The following TBC1D22A variants were observed in gnomAD, a reference collection of about 807,000 sequenced individuals.
TBC1D22A encodes putative GTPase activator.
In TBC1D22A, 38 loss-of-function variants were observed where a neutral mutation model predicts 60.2. The ratio of observed to expected loss-of-function variants is 0.63; its 90% confidence interval spans 0.49 to 0.83. The LOEUF is 0.83. Ranked by LOEUF, TBC1D22A falls within the 40% of genes least tolerant of loss-of-function variation. The probability of loss-of-function intolerance (pLI) is 0.00; values close to 1 mark genes in which losing one functional copy is unlikely to be tolerated. For missense variants in TBC1D22A, 628 were observed against 701.0 expected (o/e 0.90, Z 1.18); for synonymous variants, 302 against 281.7 (o/e 1.07, Z -0.72).
At chr22:46,840,261 CCAAA>C (rs1172998649) in intron 4 of TBC1D22A, among the ~76,000 whole-genome samples, 1 of 152,026 alleles carries the variant, frequency 6.6e-6, no homozygotes, top group Non-Finnish European at 1.5e-5. Context: ...AAAATGAAAA[CCAAA>C]CAAACTAAAT....
chr22:46,942,593 GA>G (rs1490492908), intron 8 of TBC1D22A, among the ~76,000 whole-genome samples: 2 of 152,182 alleles, frequency 1.3e-5, no homozygotes, highest in African/African-American at 4.8e-5. Context: ...AATCCCTTCT[GA>G]GTGTAATTTA....
At chr22:46,820,619 T>C (rs2085786149) in intron 4 of TBC1D22A, among the ~76,000 whole-genome samples, 1 of 152,266 alleles carries the variant, frequency 6.6e-6, no homozygotes, top group Non-Finnish European at 1.5e-5. Flanking sequence ...TCAGTTCTTT[T>C]GCATTTGCTG....
chr22:47,118,790 TAC>T (rs146644664), intron 12 of TBC1D22A, among the ~76,000 whole-genome samples: 222 of 125,476 alleles, frequency 1.8e-3, no homozygotes, highest in Non-Finnish European at 3.2e-3. Flanking sequence ...AAGAGGAATT[TAC>T]ACACACACAC....
At chr22:46,915,747 C>A in intron 8 of TBC1D22A, 1 of 456,668 alleles carries the variant, frequency 2.2e-6, no homozygotes, top group Non-Finnish European at 4.4e-6. Context: ...TGTGTGTTCG[C>A]CATGTGTCCA....
intron 4 of TBC1D22A, among the ~76,000 whole-genome samples, chr22:46,847,791 G>A (rs111767480): frequency 2.3e-4 from 35 of 152,332 alleles, no homozygotes; most frequent in African/African-American, 7.9e-4. Context: ...CTCATTCCAG[G>A]GAGGGAAAAT....
intron 10 of TBC1D22A, among the ~76,000 whole-genome samples, chr22:47,017,198 A>C (rs1168289545): frequency 6.6e-6 from 1 of 152,162 alleles, no homozygotes; most frequent in East Asian, 1.9e-4. Flanking sequence ...GATTTTTTCC[A>C]TGGGAAGAAG....
At position 47,045,397 on chromosome 22, in the gene TBC1D22A, C is replaced by T. The variant is rs566301667; in HGVS notation, c.1329+8199C>T. Among the ~76,000 whole-genome samples the T allele has an allele frequency of 2.4e-4, 36 of 152,270 alleles. 1 individual carries two copies. In the South Asian group the frequency reaches 3.3e-3, roughly 14 times the overall value. ...ACTCTGCAGACGTCCAGCTCCCTCC[C>T]GGAAGCGGTCATGCAGAGGTGTCAG... On this transcript the variant is annotated intron_variant, in intron 11 of 12. Coordinates refer to ENST00000337137, the MANE Select transcript of TBC1D22A (RefSeq NM_014346.5).
chr22:46,882,494 C>A (rs1345048560), intron 5 of TBC1D22A, among the ~76,000 whole-genome samples: 1 of 152,130 alleles, frequency 6.6e-6, no homozygotes, highest in Non-Finnish European at 1.5e-5. Flanking sequence ...GGAAGCAGGT[C>A]ATTGAAAGTT....
chr22:46,882,892 C>T (rs775984385), intron 5 of TBC1D22A, among the ~76,000 whole-genome samples: 6 of 152,080 alleles, frequency 3.9e-5, no homozygotes, highest in East Asian at 1.9e-4. Flanking sequence ...ATTCTAGTAG[C>T]CTTATTTTTA....
intron 11 of TBC1D22A, among the ~76,000 whole-genome samples, chr22:47,089,233 T>C (rs1829364505): frequency 6.6e-6 from 1 of 152,188 alleles, no homozygotes; most frequent in Non-Finnish European, 1.5e-5. Context: ...GTTAATTGTT[T>C]TGATGTAATA....
At chr22:47,128,011 C>A (rs1390901233) in intron 12 of TBC1D22A, among the ~76,000 whole-genome samples, 1 of 69,138 alleles carries the variant, frequency 1.4e-5, no homozygotes, top group Admixed American at 1.4e-4. Flanking sequence ...CCCACCCATC[C>A]CCCCATCCTC....
intron 8 of TBC1D22A, among the ~76,000 whole-genome samples, chr22:46,926,904 T>C (rs2057216628): frequency 2.0e-5 from 3 of 152,212 alleles, no homozygotes. Flanking sequence ...TTTTCATCAA[T>C]AATTTAAATA....
At chr22:47,146,782 G>C (rs1205792145) in intron 12 of TBC1D22A, among the ~76,000 whole-genome samples, 1 of 152,240 alleles carries the variant, frequency 6.6e-6, no homozygotes, top group Non-Finnish European at 1.5e-5. Context: ...TGGGACGCCA[G>C]GGCTGGGGGA....
chr22:46,993,425 A>G (rs1274775712), intron 9 of TBC1D22A, among the ~76,000 whole-genome samples: 1 of 152,218 alleles, frequency 6.6e-6, no homozygotes. Flanking sequence ...CCAGATCTCA[A>G]TTGGAAAGGA....
chr22:47,085,848 G>A (rs1183388838), intron 11 of TBC1D22A, among the ~76,000 whole-genome samples: 1 of 152,196 alleles, frequency 6.6e-6, no homozygotes, highest in Non-Finnish European at 1.5e-5. Context: ...AGAGATGGGA[G>A]AATAGCTAGA....
In TBC1D22A at chr22:46,910,147, A is replaced by G. The variant is rs533861752; in HGVS notation, c.901-1927A>G. ...CGTGTATGAATATATGTGCGCGAAC[A>G]TATTCCTCATTCCACCCGCGTCTCT... On this transcript the variant is annotated intron_variant, in intron 7 of 12. Coordinates refer to ENST00000337137, the MANE Select transcript of TBC1D22A (RefSeq NM_014346.5). Among the ~76,000 whole-genome samples, 246 of 152,320 alleles carry G rather than the reference A, an allele frequency of 1.6e-3. 2 individuals carry two copies. The highest frequency in any genetic ancestry group is 2.9e-3 in the Non-Finnish European group (197 of 68,024).
Position 46,980,112 on chromosome 22 carries a change from T to C in TBC1D22A, c.1125+5713T>C, listed in dbSNP as rs185546419. On this transcript the variant is annotated intron_variant, in intron 9 of 12. Transcript: ENST00000337137. ...GCGATTTGAAAGGAACCAGACAATG[T>C]GTAACTTTAAAATATTAAGGAGAAT... is the stretch of plus-strand genomic sequence containing the variant. Among the ~76,000 whole-genome samples the C allele has an allele frequency of 4.9e-4, 75 of 152,274 alleles. No homozygotes were observed. The East Asian group carries it at 0.014, about 29-fold the overall frequency.
At chr22:47,109,974 G>A (rs974218869) in intron 11 of TBC1D22A, among the ~76,000 whole-genome samples, 17 of 152,122 alleles carry the variant, frequency 1.1e-4, no homozygotes, top group South Asian at 4.2e-4. Flanking sequence ...AGTGACAGTC[G>A]GAGGGATGCT....
chr22:46,874,869 T>C (rs539945733), intron 4 of TBC1D22A, among the ~76,000 whole-genome samples: 7 of 152,350 alleles, frequency 4.6e-5, no homozygotes, highest in South Asian at 2.1e-4. Context: ...CCACTGCACC[T>C]GGCCTTTTGA....
Sources: allele counts gnomAD v4.1 joint callset (sites outside exome capture counted in the v4.1 genomes callset), GRCh38; gene constraint gnomAD v4.1.1; transcripts MANE v1.5; gene names NCBI Gene and HGNC (gene_info 2026-07-23, HGNC 2026-07-21).